Variants in TSPAN11 observed in about 807,000 individuals in gnomAD.
TSPAN11 encodes tetraspanin 11, also known as tetraspanin-11.
TSPAN11 carries 29 observed loss-of-function variants against 32.9 expected under a neutral mutation model. That is an observed-to-expected ratio of 0.88 (90% CI 0.66 to 1.20). The LOEUF is 1.20. Among genes scored for constraint, TSPAN11 ranks in the 50% most tolerant of loss-of-function variants. The pLI is 0.00. For missense variants in TSPAN11, 283 were observed against 329.1 expected (o/e 0.86, Z 1.08); for synonymous variants, 140 against 141.3 (o/e 0.99, Z 0.07).
chr12:30,953,929 A>G, intron 1 of TSPAN11, 52 bp from the exon 2 acceptor site: 1 of 1,386,110 alleles, frequency 7.2e-7, no homozygotes, highest in Non-Finnish European at 1.0e-6. Flanking sequence ...TCTGGGAAGG[A>G]CAAGGTGGTT....
chr12:31,005,968 G>A, the TSPAN11 span: 1 of 153,088 alleles, frequency 6.5e-6, no homozygotes, highest in Non-Finnish European at 1.5e-5. Flanking sequence ...AGTAGCCACT[G>A]GTGTGGTGGG....
intron 2 of TSPAN11, 164 bp downstream of exon 2, chr12:30,954,239 C>G: frequency 1.6e-6 from 1 of 635,772 alleles, no homozygotes; most frequent in Non-Finnish European, 2.8e-6. Context: ...TGTACATTTG[C>G]TACTGAGAAA....
intron 7 of TSPAN11, among the ~76,000 whole-genome samples, chr12:30,983,609 TTG>T (rs1330830173): frequency 6.6e-6 from 1 of 151,976 alleles, no homozygotes; most frequent in Non-Finnish European, 1.5e-5. Context: ...GCATGTGTGT[TTG>T]TGTGTGTGTA....
rs140842580 is a variant in TSPAN11, at chr12:30,973,887, C to T, written c.277-4674C>T. On this transcript the variant is annotated intron_variant, in intron 3 of 7. Transcript: ENST00000546076. ...AACACAAACCTTATGGCGTCACACC[C>T]CTCCCCAGCTCACTGAGGCAACTGG... 3.9e-5 allele frequency among the ~76,000 whole-genome samples: 6 copies of T among 152,340 alleles called. No individual in the cohort carries two copies. In the East Asian group the frequency reaches 9.6e-4, roughly 24 times the overall value.
intron 3 of TSPAN11, among the ~76,000 whole-genome samples, chr12:30,978,137 G>C (rs77013025): frequency 0.055 from 8,410 of 152,088 alleles, 598 homozygotes; most frequent in East Asian, 0.25. Context: ...TTACTTAGGC[G>C]TCACCACCTC....
rs1411680491 is a variant in TSPAN11 at position 30,992,776 on chromosome 12, G to C, written c.*861G>C. The C allele has an allele frequency of 1.3e-5, 2 of 152,250 alleles. No individual in the cohort carries two copies. Among genetic ancestry groups the C allele is most frequent in the East Asian group, 1.9e-4 (1 of 5,184 alleles). The allele number at this position is 152,250 out of a possible 1,614,324, so 9.4% of individuals were successfully genotyped here. On this transcript the variant is annotated 3_prime_UTR_variant, in exon 8 of 8. Coordinates refer to ENST00000546076, the MANE Select transcript of TSPAN11 (RefSeq NM_001370302.1). ...TGATGGGTGTCAAACATCTCCTGGAGTGGACCAACTCGCAACCCTGCAAAG... is the reference window on the plus strand; with the variant it reads ...TGATGGGTGTCAAACATCTCCTGGACTGGACCAACTCGCAACCCTGCAAAG...
intron 2 of TSPAN11, among the ~76,000 whole-genome samples, chr12:30,957,877 C>CTCCT (rs762993561): frequency 0.02 from 2,251 of 110,436 alleles, 211 homozygotes; most frequent in Middle Eastern, 0.035. Flanking sequence ...CCCTCCCTCC[C>CTCCT]TCCTTCCTTC....
intron 7 of TSPAN11, among the ~76,000 whole-genome samples, chr12:30,983,679 A>G (rs773643003): frequency 2.6e-5 from 4 of 152,162 alleles, no homozygotes; most frequent in East Asian, 1.9e-4. Context: ...ACTGTAGATG[A>G]AAAATATTCC....
chr12:30,965,446 C>A (rs1938710895), intron 3 of TSPAN11, among the ~76,000 whole-genome samples: 2 of 149,718 alleles, frequency 1.3e-5, no homozygotes, highest in African/African-American at 5.1e-5. Context: ...AGAAAGAATA[C>A]AGAAGCCCCC....
chr12:30,997,425 A>C (rs1242896437), downstream of TSPAN11: 1 of 152,476 alleles, frequency 6.6e-6, no homozygotes, highest in African/African-American at 2.4e-5. Flanking sequence ...TCACAGGCTT[A>C]ACAGGAAGCA....
rs150158548 is a variant in TSPAN11, at chr12:30,974,096, G to A, written c.277-4465G>A. Reference sequence around the variant, plus strand: ...TTGTCAAGGCAAGTAGCCTTCTGCCGCAGAGGTGCCCTCCCAGGCAGGTAC... The same window carrying A: ...TTGTCAAGGCAAGTAGCCTTCTGCCACAGAGGTGCCCTCCCAGGCAGGTAC... On this transcript the variant is annotated intron_variant, in intron 3 of 7. Coordinates refer to ENST00000546076, the MANE Select transcript of TSPAN11 (RefSeq NM_001370302.1). Among the ~76,000 whole-genome samples the A allele has an allele frequency of 5.9e-5, 9 of 152,338 alleles. No individual in the cohort carries two copies. The East Asian group carries it at 1.4e-3, about 23-fold the overall frequency.
At chr12:31,006,148 T>C in the TSPAN11 span, 1 of 152,234 alleles carries the variant, frequency 6.6e-6, no homozygotes, top group Non-Finnish European at 1.5e-5. Flanking sequence ...TTCAGGAAAA[T>C]TCCCTTTCAA....
chr12:30,970,083 C>A (rs1592485572), intron 3 of TSPAN11, among the ~76,000 whole-genome samples: 1 of 152,328 alleles, frequency 6.6e-6, no homozygotes, highest in East Asian at 1.9e-4. Context: ...TACTATCTCT[C>A]CCACAGCCTG....
chr12:31,003,566 T>C, the TSPAN11 span, among the ~76,000 whole-genome samples: 13,008 of 152,254 alleles, frequency 0.085, 801 homozygotes, highest in East Asian at 0.24. Context: ...GGACTGTTGC[T>C]GTTGATATTA....
In TSPAN11 at chr12:30,975,076, G is replaced by T. The variant is rs1039386993; in HGVS notation, c.277-3485G>T. 2.0e-5 allele frequency among the ~76,000 whole-genome samples: 3 copies of T among 152,230 alleles called. No individual in the cohort carries two copies. The highest frequency in any genetic ancestry group is 7.2e-5 in the African/African-American group (3 of 41,468). Reference sequence around the variant, plus strand: ...CCCAAAGGCTGGACGCTTGGCCTGTGTGAAGAGAACTGTGTGCAGCAACAC... The same window carrying T: ...CCCAAAGGCTGGACGCTTGGCCTGTTTGAAGAGAACTGTGTGCAGCAACAC... On this transcript the variant is annotated intron_variant, in intron 3 of 7. Transcript: ENST00000546076. The surrounding 1 kb of genome is among the most constrained non-coding windows in gnomAD (Gnocchi z 4.5).
downstream of TSPAN11, among the ~76,000 whole-genome samples, chr12:30,998,460 G>A (rs1288413456): frequency 5.9e-5 from 9 of 152,234 alleles, no homozygotes. Context: ...AGAGGACATG[G>A]GGCAAAGAGC....
intron 1 of TSPAN11, 23 bp downstream of exon 1, chr12:30,926,819 G>A: frequency 1.6e-6 from 1 of 638,294 alleles, no homozygotes; most frequent in Non-Finnish European, 2.2e-6. Context: ...GCGCGCCCGA[G>A]GAGTGGGGGC....
intron 3 of TSPAN11, among the ~76,000 whole-genome samples, chr12:30,965,360 C>T (rs66971284): frequency 0.11 from 16,075 of 152,238 alleles, 910 homozygotes; most frequent in Non-Finnish European, 0.12. Flanking sequence ...TGCCAAGCCA[C>T]GTGCTCTCAC....
chr12:31,001,430 T>G (rs529389408), downstream of TSPAN11, among the ~76,000 whole-genome samples: 1 of 152,356 alleles, frequency 6.6e-6, no homozygotes, highest in African/African-American at 2.4e-5. Flanking sequence ...CCTGTGAATA[T>G]AATCATCAGC....
Sources: gnomAD v4.1 joint callset for allele counts (sites outside exome capture counted in the v4.1 genomes callset) on GRCh38, gnomAD v4.1.1 for gene constraint, Gnocchi (gnomAD v3.1) non-coding constraint, MANE v1.5 for transcripts, NCBI Gene and HGNC (gene_info 2026-07-23, HGNC 2026-07-21) for gene names.